ANO6: variants seen among roughly 807,000 people sequenced by gnomAD.
ANO6 encodes anoctamin-6.
In ANO6, 106 loss-of-function variants were observed where a neutral mutation model predicts 117.5. The ratio of observed to expected loss-of-function variants is 0.90; its 90% confidence interval spans 0.77 to 1.06. The LOEUF is 1.06. ANO6 is among the 50% of genes least tolerant of loss of function. ANO6 has a pLI of 0.00. For synonymous variants in ANO6, 367 were observed against 385.1 expected (o/e 0.95, Z 0.55); for missense variants, 955 against 1,121.1 (o/e 0.85, Z 2.12).
At chr12:45,238,803 T>C (rs746426003) in intron 1 of ANO6, among the ~76,000 whole-genome samples, 1 of 152,192 alleles carries the variant, frequency 6.6e-6, no homozygotes, top group Non-Finnish European at 1.5e-5. Flanking sequence ...GATAATCATG[T>C]GGTTTTTGTC....
chr12:45,425,974 A>G (rs1943490770), intron 19 of ANO6, among the ~76,000 whole-genome samples: 3 of 152,156 alleles, frequency 2.0e-5, no homozygotes. Flanking sequence ...TAAGACAACA[A>G]CTTCTAACAA....
chr12:45,393,541 TGTCAGATTCACCAAG>T (rs1335292879), intron 12 of ANO6, among the ~76,000 whole-genome samples: 1 of 151,988 alleles, frequency 6.6e-6, no homozygotes, highest in African/African-American at 2.4e-5. Context: ...GACACATAAT[TGTCAGATTCACCAAG>T]GTTGAAATGA....
chr12:45,256,093 G>C (rs567517349), intron 1 of ANO6, among the ~76,000 whole-genome samples: 1 of 152,200 alleles, frequency 6.6e-6, no homozygotes, highest in East Asian at 1.9e-4. Flanking sequence ...CAAGGTGCTG[G>C]GATTACAGGC....
intron 2 of ANO6, among the ~76,000 whole-genome samples, chr12:45,308,031 CTG>C (rs530448808): frequency 4.2e-5 from 5 of 117,724 alleles, no homozygotes; most frequent in Non-Finnish European, 3.4e-5. Flanking sequence ...GTGTGTGTGT[CTG>C]TGTGTGTGTG....
chr12:45,410,649 G>C (rs953211236), intron 16 of ANO6, among the ~76,000 whole-genome samples: 2 of 152,082 alleles, frequency 1.3e-5, no homozygotes, highest in Non-Finnish European at 2.9e-5. Context: ...TTAAGCTTAG[G>C]AGAATAGAAA....
intron 3 of ANO6, chr12:45,335,777 T>G (rs1284163176): frequency 1.3e-5 from 2 of 152,000 alleles, no homozygotes; most frequent in African/African-American, 4.8e-5. Context: ...TACTGAAAAT[T>G]TTTGTTGCTA....
intron 1 of ANO6, chr12:45,292,670 T>C: frequency 2.4e-6 from 3 of 1,244,774 alleles, no homozygotes; most frequent in Non-Finnish European, 3.0e-6. Flanking sequence ...GATGTATTTT[T>C]AGAGCTGAAC....
chr12:45,279,298 C>G lies in ANO6; in HGVS notation c.71-22716C>G, dbSNP rs77837108. ...GCTTATAATTTAAATGAAATTGCTTCGAGGCTTTCCTATTTTAGTATTTAG... is the reference window on the plus strand; with the variant it reads ...GCTTATAATTTAAATGAAATTGCTTGGAGGCTTTCCTATTTTAGTATTTAG... On this transcript the variant is annotated intron_variant, in intron 1 of 19. Coordinates refer to ENST00000320560, the MANE Select transcript of ANO6 (RefSeq NM_001025356.3). Among the ~76,000 whole-genome samples the G allele has an allele frequency of 3.3e-5, 5 of 152,250 alleles. No individual in the cohort carries two copies. The East Asian group carries it at 9.7e-4, about 29-fold the overall frequency.
chr12:45,301,929 C>T (rs1565674779), intron 1 of ANO6, 85 bp from the exon 2 acceptor site: 1 of 1,107,462 alleles, frequency 9.0e-7, no homozygotes, highest in East Asian at 2.4e-5. Context: ...TGTTAATAAC[C>T]CGGTGCTGCT....
At chr12:45,375,626 T>C (rs1593033768) in intron 9 of ANO6, among the ~76,000 whole-genome samples, 1 of 152,088 alleles carries the variant, frequency 6.6e-6, no homozygotes, top group Non-Finnish European at 1.5e-5. Flanking sequence ...ATTTAATAAA[T>C]GGTGCTGGGA....
intron 2 of ANO6, among the ~76,000 whole-genome samples, chr12:45,325,437 TTAGCCTCTAGGAGGA>T (rs1188957534): frequency 6.6e-6 from 1 of 152,198 alleles, no homozygotes; most frequent in Non-Finnish European, 1.5e-5. Context: ...CCTTAAGAGT[TTAGCCTCTAGGAGGA>T]TAATCATTCA....
intron 1 of ANO6, among the ~76,000 whole-genome samples, chr12:45,237,964 C>G (rs570697233): frequency 1.1e-4 from 17 of 152,064 alleles, no homozygotes; most frequent in African/African-American, 3.9e-4. Flanking sequence ...GGATTCCTAG[C>G]TATTTTATTC....
intron 19 of ANO6, among the ~76,000 whole-genome samples, chr12:45,425,484 C>T (rs147905537): frequency 3.3e-5 from 5 of 152,204 alleles, no homozygotes; most frequent in African/African-American, 1.2e-4. Context: ...TTGAAAGTAA[C>T]CGGAGGGAAA....
intron 4 of ANO6, chr12:45,347,483 A>T (rs181007644): frequency 5.0e-4 from 98 of 196,966 alleles, no homozygotes; most frequent in Middle Eastern, 4.3e-3. Flanking sequence ...TCAAAAATAT[A>T]TATGTACACA....
intron 2 of ANO6, among the ~76,000 whole-genome samples, chr12:45,320,034 G>A (rs918204907): frequency 6.6e-6 from 1 of 152,068 alleles, no homozygotes; most frequent in Admixed American, 6.6e-5. Context: ...CTTGCTAGCG[G>A]TCTATCAGTT....
chr12:45,425,890 G>T (rs1398274151), intron 19 of ANO6, among the ~76,000 whole-genome samples: 1 of 152,188 alleles, frequency 6.6e-6, no homozygotes, highest in Non-Finnish European at 1.5e-5. Flanking sequence ...TGAGATGATG[G>T]ACATGTTAAT....
chr12:45,319,794 A>C (rs2137362471), intron 2 of ANO6, among the ~76,000 whole-genome samples: 1 of 152,166 alleles, frequency 6.6e-6, no homozygotes, highest in South Asian at 2.1e-4. Context: ...TTAATTTCAG[A>C]TCCTGTTATT....
At chr12:45,354,408 T>G (rs765633227) in intron 7 of ANO6, among the ~76,000 whole-genome samples, 10 of 151,652 alleles carry the variant, frequency 6.6e-5, no homozygotes, top group Non-Finnish European at 1.5e-4. Context: ...TTTTCACAGT[T>G]TAGATGTGCA....
chr12:45,255,818 G>GGTTTTTTTTTTTTTTTTTTT (rs749001458), intron 1 of ANO6, among the ~76,000 whole-genome samples: 5 of 81,712 alleles, frequency 6.1e-5, no homozygotes, highest in African/African-American at 2.3e-4. Flanking sequence ...CTCCCTGGGT[G>GGTTTTTTTTTTTTTTTTTTT]TTTTTTTTTT....
Sources: allele counts gnomAD v4.1 joint callset (sites outside exome capture counted in the v4.1 genomes callset), GRCh38; gene constraint gnomAD v4.1.1; transcripts MANE v1.5; gene names NCBI Gene and HGNC (gene_info 2026-07-23, HGNC 2026-07-21).